The following RGS10 variants were observed in gnomAD, a reference collection of about 807,000 sequenced individuals.
The protein encoded by RGS10 is regulator of G protein signaling 10.
A neutral mutation model predicts 23.5 loss-of-function variants in RGS10; 11 were observed. That is an observed-to-expected ratio of 0.47 (90% CI 0.29 to 0.77). The LOEUF is 0.77. RGS10 is among the 30% of genes least tolerant of loss of function. RGS10 has a pLI of 0.08. For synonymous variants in RGS10, 77 were observed against 83.2 expected, an observed-to-expected ratio of 0.92 and a Z score of 0.41; for missense variants, 180 against 226.3, an observed-to-expected ratio of 0.80 and a Z score of 1.31.
intron 3 of RGS10, among the ~76,000 whole-genome samples, chr10:119,520,053 TG>T (rs1312460730): frequency 1.3e-5 from 2 of 152,146 alleles, no homozygotes; most frequent in Non-Finnish European, 2.9e-5. Flanking sequence ...TTCGATCCCC[TG>T]TAGCCACTCC....
intron 1 of RGS10, among the ~76,000 whole-genome samples, chr10:119,535,680 T>A (rs932055521): frequency 6.6e-6 from 1 of 152,206 alleles, no homozygotes; most frequent in East Asian, 1.9e-4. Flanking sequence ...TATCTCACTA[T>A]CCAGTTTCCT....
At chr10:119,514,151 T>C (rs1844112980) in intron 4 of RGS10, among the ~76,000 whole-genome samples, 1 of 151,180 alleles carries the variant, frequency 6.6e-6, no homozygotes, top group African/African-American at 2.4e-5. Flanking sequence ...AGGCCAGGAG[T>C]TCGGGACCAG....
At chr10:119,531,946 T>G (rs1346511371) in intron 1 of RGS10, among the ~76,000 whole-genome samples, 5 of 152,190 alleles carry the variant, frequency 3.3e-5, no homozygotes, top group African/African-American at 9.7e-5. Context: ...TCAGAAAGTA[T>G]GCCAAGATGG....
chr10:119,512,554 A>T lies in RGS10; in HGVS notation c.399+2955T>A, dbSNP rs545766149. The stretch of plus-strand genomic sequence containing the variant: ...CTTTCTCTCTATGCAATTAAAAAAA[A>T]TTTTTTTTTTTGAGGTGGAGTCTCA... On this transcript the variant is annotated intron_variant, in intron 4 of 4. Transcript: ENST00000369103. Among the ~76,000 whole-genome samples, 394 of 146,550 alleles carry T rather than the reference A, an allele frequency of 2.7e-3. 3 individuals are homozygous for T. The highest frequency in any genetic ancestry group is 9.3e-3 in the African/African-American group (371 of 39,744).
chr10:119,525,986 G>T, intron 3 of RGS10, 46 bp downstream of exon 3: 2 of 1,054,890 alleles, frequency 1.9e-6, no homozygotes, highest in Non-Finnish European at 2.8e-6. Context: ...TGGAAAGGCA[G>T]TTGTAACTTT....
Position 119,538,731 on chromosome 10 carries a change from C to T in RGS10, c.49+3859G>A, listed in dbSNP as rs189833872. Reference sequence around the variant, plus strand: ...GGGACTGTCTCACTCCAGCGGATGCCGCCTGACAGCTCTTATCAAGGGGCC... The same window carrying T: ...GGGACTGTCTCACTCCAGCGGATGCTGCCTGACAGCTCTTATCAAGGGGCC... On this transcript the variant is annotated intron_variant, in intron 1 of 4. Transcript: ENST00000369103. This position sits in a 1 kb window ranked among gnomAD's most constrained non-coding sequence, Gnocchi z 4.5. 2.6e-5 allele frequency among the ~76,000 whole-genome samples: 4 copies of T among 152,254 alleles called. No homozygotes were observed. Among genetic ancestry groups the T allele is most frequent in the Admixed American group, 1.3e-4 (2 of 15,298 alleles).
At chr10:119,539,399 T>C (rs1296247696) in intron 1 of RGS10, among the ~76,000 whole-genome samples, 1 of 152,172 alleles carries the variant, frequency 6.6e-6, no homozygotes, top group Non-Finnish European at 1.5e-5. Context: ...GGGTGGGAAT[T>C]CCCCTGAGAG....
At chr10:119,508,092 G>C (rs1844035796) in intron 4 of RGS10, among the ~76,000 whole-genome samples, 1 of 152,068 alleles carries the variant, frequency 6.6e-6, no homozygotes, top group Non-Finnish European at 1.5e-5. Flanking sequence ...CCACCTCCCG[G>C]GTTCAAGCGA....
Position 119,538,150 on chromosome 10 carries a change from AAGGG to A in RGS10, c.49+4436_49+4439del, listed in dbSNP as rs1346890133. ...GGAGGGAAGGAGGGAGGGAAGAAGGAAGGGAGGGAGGGAGTGGAGGAGAGAGGGA... is the reference window on the plus strand; with the variant it reads ...GGAGGGAAGGAGGGAGGGAAGAAGGAAGGGAGGGAGTGGAGGAGAGAGGGA... On this transcript the variant is annotated intron_variant, in intron 1 of 4. Coordinates refer to ENST00000369103, the MANE Select transcript of RGS10 (RefSeq NM_001005339.2). This position sits in a 1 kb window ranked among gnomAD's most constrained non-coding sequence, Gnocchi z 4.5. 3.3e-5 allele frequency among the ~76,000 whole-genome samples: 5 copies of A among 151,956 alleles called. No homozygotes were observed. Among genetic ancestry groups the A allele is most frequent in the Non-Finnish European group, 7.4e-5 (5 of 67,990 alleles).
intron 4 of RGS10, among the ~76,000 whole-genome samples, chr10:119,506,053 C>T (rs1271355728): frequency 6.6e-6 from 1 of 152,202 alleles, no homozygotes; most frequent in African/African-American, 2.4e-5. Flanking sequence ...TGCGTCCTCT[C>T]TTCACACACA....
chr10:119,535,461 A>T (rs1440189754), intron 1 of RGS10, among the ~76,000 whole-genome samples: 1 of 152,152 alleles, frequency 6.6e-6, no homozygotes, highest in African/African-American at 2.4e-5. Context: ...AGCTTATTTT[A>T]TGATGCATTA....
At chr10:119,511,534 G>A (rs374354286) in intron 4 of RGS10, among the ~76,000 whole-genome samples, 3 of 152,252 alleles carry the variant, frequency 2.0e-5, no homozygotes, top group Admixed American at 6.5e-5. Context: ...TAGGAGAATC[G>A]CTTGAATCCA....
In RGS10 at chr10:119,499,847, T is replaced by G. The variant is rs1382571261; in HGVS notation, c.*266A>C. 8 of 349,804 alleles carry G rather than the reference T, an allele frequency of 2.3e-5. No homozygotes were observed. Among genetic ancestry groups the G allele is most frequent in the Non-Finnish European group, 4.2e-5 (8 of 192,560 alleles). 21.7% of individuals were successfully genotyped at this position (349,804 alleles called of 1,614,324 possible). On this transcript the variant is annotated 3_prime_UTR_variant, in exon 5 of 5. Coordinates refer to ENST00000369103, the MANE Select transcript of RGS10 (RefSeq NM_001005339.2). The stretch of plus-strand genomic sequence containing the variant: ...CCTTGTGGCCTTACATGAGGTTTAA[T>G]TAAGCTACAAAATGCTCGACGTGTC...
chr10:119,515,790 G>C (rs1564711089), intron 3 of RGS10, 138 bp from the exon 4 acceptor site: 3 of 983,642 alleles, frequency 3.0e-6, no homozygotes, highest in Non-Finnish European at 4.4e-6. Flanking sequence ...GGGCTCTCAG[G>C]CCACTCCAGA....
intron 1 of RGS10, among the ~76,000 whole-genome samples, chr10:119,540,142 C>T (rs1406863807): frequency 2.0e-5 from 1 of 49,644 alleles, no homozygotes; most frequent in Non-Finnish European, 8.7e-5. Context: ...GACCCTACAC[C>T]TACAATTCCA....
In RGS10 at chr10:119,525,661, C is replaced by A. The variant is rs570764548; in HGVS notation, c.255+371G>T. 7.9e-5 allele frequency among the ~76,000 whole-genome samples: 12 copies of A among 152,314 alleles called. No homozygotes were observed. In the East Asian group the frequency reaches 1.7e-3, roughly 22 times the overall value. On this transcript the variant is annotated intron_variant, in intron 3 of 4. Coordinates refer to ENST00000369103, the MANE Select transcript of RGS10 (RefSeq NM_001005339.2). ...ATAATTGACAATCCCTCTGATGCAC[C>A]TTGTGCTTTTATCATTACACATCTG...
chr10:119,525,057 G>A (rs1168566661), intron 3 of RGS10, among the ~76,000 whole-genome samples: 1 of 152,190 alleles, frequency 6.6e-6, no homozygotes. Flanking sequence ...TGTTTGGTAG[G>A]CAAGGTTTTA....
At chr10:119,518,546 T>G (rs1295107100) in intron 3 of RGS10, among the ~76,000 whole-genome samples, 1 of 152,054 alleles carries the variant, frequency 6.6e-6, no homozygotes, top group Non-Finnish European at 1.5e-5. Flanking sequence ...TGCACCTCTA[T>G]GCAGACGAAC....
intron 4 of RGS10, among the ~76,000 whole-genome samples, chr10:119,509,536 A>G (rs1282299350): frequency 2.6e-5 from 4 of 152,168 alleles, no homozygotes; most frequent in Admixed American, 6.5e-5. Context: ...GGCTACAGTG[A>G]GCCAAGATCA....
Sources: allele counts gnomAD v4.1 joint callset (sites outside exome capture counted in the v4.1 genomes callset), GRCh38; gene constraint gnomAD v4.1.1; non-coding constraint Gnocchi (gnomAD v3.1); transcripts MANE v1.5; gene names NCBI Gene and HGNC (gene_info 2026-07-23, HGNC 2026-07-21).